SUFU: variants seen among roughly 807,000 people sequenced by gnomAD.
SUFU encodes SUFU negative regulator of hedgehog signaling.
SUFU carries 7 observed loss-of-function variants against 58.9 expected under a neutral mutation model. The ratio of observed to expected loss-of-function variants is 0.12; its 90% CI spans 0.07 to 0.22. SUFU has a LOEUF of 0.22. Ranked by LOEUF, SUFU falls within the 10% of genes least tolerant of loss-of-function variation. The pLI, the probability that SUFU is intolerant of heterozygous loss-of-function variation, is 1.00. For missense variants in SUFU, 451 were observed against 641.3 expected, an observed-to-expected ratio of 0.70 and a Z score of 3.20; for synonymous variants, 232 against 254.8, an observed-to-expected ratio of 0.91 and a Z score of 0.85.
At chr10:102,552,957 T>C (rs1399484348) in intron 3 of SUFU, among the ~76,000 whole-genome samples, 1 of 152,220 alleles carries the variant, frequency 6.6e-6, no homozygotes, top group Non-Finnish European at 1.5e-5. Context: ...TGTGGCTGTT[T>C]GTTGAGTATA....
rs2063721241 is a variant in SUFU at position 102,619,434 on chromosome 10, A to G, written c.1296+2006A>G. On this transcript the variant is annotated intron_variant, in intron 10 of 11. Transcript: ENST00000369902. The surrounding 1 kb of genome is among the most constrained non-coding windows in gnomAD (Gnocchi z 4.2). ...CGAGCTGCTGGCCTCGGCATGTTTC[A>G]ATAAAGTTGCTGTGCTGGGAGCTAC... The G allele has an allele frequency of 4.5e-6, 6 of 1,324,242 alleles. No individual in the cohort carries two copies. Among genetic ancestry groups the G allele is most frequent in the Non-Finnish European group, 4.9e-6 (5 of 1,030,872 alleles). The allele number at this position is 1,324,242 out of a possible 1,614,324, so 82.0% of individuals were successfully genotyped here.
chr10:102,621,568 T>C (rs1282080048), intron 10 of SUFU, among the ~76,000 whole-genome samples: 1 of 152,144 alleles, frequency 6.6e-6, no homozygotes, highest in Admixed American at 6.5e-5. Flanking sequence ...TTTCTGGCTT[T>C]TGTCTGGCCT....
intron 2 of SUFU, among the ~76,000 whole-genome samples, chr10:102,534,130 G>A (rs1020261843): frequency 6.6e-6 from 1 of 152,094 alleles, no homozygotes; most frequent in South Asian, 2.1e-4. Context: ...CTGAGTCCTG[G>A]AGAAAGTGGA....
chr10:102,504,900 G>T (rs911047169), intron 1 of SUFU, among the ~76,000 whole-genome samples: 2 of 152,154 alleles, frequency 1.3e-5, no homozygotes, highest in African/African-American at 4.8e-5. Context: ...ATACCTTCCC[G>T]ATTAGCTCAG....
chr10:102,547,174 C>CT (rs1019517511), intron 2 of SUFU, among the ~76,000 whole-genome samples: 12 of 152,218 alleles, frequency 7.9e-5, no homozygotes, highest in African/African-American at 2.7e-4. Context: ...AAAGCTGCCT[C>CT]TAATTGGTGG....
intron 2 of SUFU, among the ~76,000 whole-genome samples, chr10:102,539,010 T>G (rs973436868): frequency 2.0e-5 from 3 of 152,180 alleles, no homozygotes; most frequent in Non-Finnish European, 4.4e-5. Context: ...TTTTGCTTTG[T>G]GCGGGTCAGA....
intron 2 of SUFU, among the ~76,000 whole-genome samples, chr10:102,517,844 C>T (rs544354398): frequency 3.9e-5 from 6 of 152,320 alleles, no homozygotes; most frequent in African/African-American, 1.4e-4. Flanking sequence ...GTGCAGCACA[C>T]TCACCAGCAG....
chr10:102,581,565 G>A (rs780332842), intron 3 of SUFU, among the ~76,000 whole-genome samples: 6 of 152,176 alleles, frequency 3.9e-5, no homozygotes, highest in Non-Finnish European at 8.8e-5. Flanking sequence ...GCTCCGCTGC[G>A]CAGTCCACCA....
intron 2 of SUFU, among the ~76,000 whole-genome samples, chr10:102,547,762 C>T (rs1428746608): frequency 6.6e-6 from 1 of 151,658 alleles, no homozygotes. Flanking sequence ...GTCAAGGCTA[C>T]AGTGAGCCAT....
chr10:102,604,017 G>A (rs1227850665), intron 8 of SUFU, among the ~76,000 whole-genome samples: 7 of 152,202 alleles, frequency 4.6e-5, no homozygotes, highest in Admixed American at 2.0e-4. Context: ...GGCTGGTGCC[G>A]CTCGCACGAA....
intron 8 of SUFU, among the ~76,000 whole-genome samples, chr10:102,613,194 C>T (rs2063644495): frequency 6.6e-6 from 1 of 152,266 alleles, no homozygotes; most frequent in Non-Finnish European, 1.5e-5. Flanking sequence ...TAAACAACCT[C>T]AGAGTTTCCT....
At chr10:102,516,047 A>C (rs1157090268) in intron 2 of SUFU, among the ~76,000 whole-genome samples, 1 of 151,394 alleles carries the variant, frequency 6.6e-6, no homozygotes, top group Non-Finnish European at 1.5e-5. Context: ...TTAGGGTTGG[A>C]GTTCAGGCCC....
rs778125780 is a variant in SUFU at position 102,630,079 on chromosome 10, A to G, written c.1379A>G (p.Lys460Arg). 63 of 1,613,960 alleles carry G rather than the reference A, an allele frequency of 3.9e-5. No individual in the cohort carries two copies. The highest frequency in any genetic ancestry group is 2.3e-4 in the Admixed American group (14 of 60,010). ...CTCCCTCCACAGTTCAAACTTCCCA[A>G]AGAGTACAGCTGGCCTGAAAAGAAG... ...LTSPEEFKLP[K>R]EYSWPEKKLK... is the part of the protein sequence containing the mutation. The change falls in exon 12 of 12, where the codon AAA (lysine) becomes AGA (arginine). Residue 460 changes from lysine (K) to arginine (R), a missense_variant. Lys to Arg is a conservative substitution (Grantham distance 26). Coordinates refer to ENST00000369902, the MANE Select transcript of SUFU (RefSeq NM_016169.4).
At chr10:102,527,804 T>A (rs2062628910) in intron 2 of SUFU, among the ~76,000 whole-genome samples, 1 of 152,180 alleles carries the variant, frequency 6.6e-6, no homozygotes, top group Non-Finnish European at 1.5e-5. Context: ...GGTTTCTTGA[T>A]CTTCTGGGAT....
intron 4 of SUFU, 48 bp from the exon 5 acceptor site, chr10:102,593,588 T>TG: frequency 6.3e-7 from 1 of 1,589,568 alleles, no homozygotes; most frequent in South Asian, 1.1e-5. Context: ...CTTCTTGGGG[T>TG]GGGGGGTGGC....
At chr10:102,545,293 ATTTTTTTT>A (rs1162195255) in intron 2 of SUFU, among the ~76,000 whole-genome samples, 2 of 106,298 alleles carry the variant, frequency 1.9e-5, no homozygotes, top group Non-Finnish European at 3.7e-5. Context: ...TAATTTTTGT[ATTTTTTTT>A]TTTTTTTTTT....
intron 2 of SUFU, among the ~76,000 whole-genome samples, chr10:102,520,654 T>C (rs1327411526): frequency 6.6e-6 from 1 of 152,152 alleles, no homozygotes; most frequent in Non-Finnish European, 1.5e-5. Flanking sequence ...GCAACAACTG[T>C]TTGGTTTTTT....
intron 2 of SUFU, among the ~76,000 whole-genome samples, chr10:102,527,186 T>C (rs1382457678): frequency 1.3e-5 from 2 of 151,836 alleles, no homozygotes; most frequent in Non-Finnish European, 2.9e-5. Context: ...GTATTTTTAG[T>C]AGAGACAGGG....
intron 2 of SUFU, among the ~76,000 whole-genome samples, chr10:102,510,846 T>C (rs1370500751): frequency 6.8e-6 from 1 of 147,046 alleles, no homozygotes; most frequent in Non-Finnish European, 1.5e-5. Context: ...TTAGGCTGGG[T>C]GTGGTGGCTC....
Sources: gnomAD v4.1 joint callset for allele counts (sites outside exome capture counted in the v4.1 genomes callset) on GRCh38, gnomAD v4.1.1 for gene constraint, Gnocchi (gnomAD v3.1) non-coding constraint, MANE v1.5 for transcripts, NCBI Gene and HGNC (gene_info 2026-07-23, HGNC 2026-07-21) for gene names.